Variants in CCDC3 observed in about 807,000 individuals in gnomAD.
CCDC3 encodes the protein coiled-coil domain containing 3, also known as coiled-coil domain-containing protein 3.
Under a neutral mutation model 21.4 loss-of-function variants are expected in CCDC3, and 24 were observed. That is an observed-to-expected ratio of 1.12 (90% CI 0.81 to 1.58). The LOEUF is 1.58. CCDC3 is among the 40% of genes most tolerant of loss of function. The pLI is 0.00. For synonymous variants in CCDC3, 186 were observed against 166.0 expected (o/e 1.12, Z -0.93); for missense variants, 425 against 360.9 (o/e 1.18, Z -1.44).
At chr10:13,013,540 A>T (rs983268829) in intron 5 of CCDC3, among the ~76,000 whole-genome samples, 2 of 152,236 alleles carry the variant, frequency 1.3e-5, no homozygotes, top group Admixed American at 1.3e-4. Context: ...GCTGCCAATA[A>T]AATATTTATT....
chr10:12,987,405 CCTCACACATAACCAATA>C (rs1283034155), intron 2 of CCDC3, among the ~76,000 whole-genome samples: 1 of 152,164 alleles, frequency 6.6e-6, no homozygotes, highest in African/African-American at 2.4e-5. Flanking sequence ...TAACATAACG[CCTCACACATAACCAATA>C]CTCTGTCCTT....
At chr10:13,085,691 G>A (rs1837093511) in intron 3 of CCDC3, among the ~76,000 whole-genome samples, 1 of 152,214 alleles carries the variant, frequency 6.6e-6, no homozygotes, top group South Asian at 2.1e-4. Context: ...ATGAGGCCAG[G>A]TGCAGTGGCT....
Position 12,898,157 on chromosome 10 carries a change from A to G in CCDC3, c.*259T>C, listed in dbSNP as rs1014893421. 1.9e-5 allele frequency: 10 copies of G among 515,662 alleles called. No homozygotes were observed. Among genetic ancestry groups the G allele is most frequent in the Non-Finnish European group, 2.7e-5 (8 of 291,698 alleles). 31.9% of individuals were successfully genotyped at this position (515,662 alleles called of 1,614,324 possible). A position where few individuals can be genotyped will look rare whatever the true frequency, so the allele number is the denominator to read the frequency against. On this transcript the variant is annotated 3_prime_UTR_variant, in exon 3 of 3. Transcript: ENST00000378825. Reference sequence around the variant, plus strand: ...GCTGCTCTGCAGGCGAGCATTCAGCACTCAGGGATCCCACTGCCTCTGGAC... The same window carrying G: ...GCTGCTCTGCAGGCGAGCATTCAGCGCTCAGGGATCCCACTGCCTCTGGAC...
At chr10:12,982,235 G>T (rs970624539) in intron 2 of CCDC3, among the ~76,000 whole-genome samples, 1 of 149,170 alleles carries the variant, frequency 6.7e-6, no homozygotes, top group African/African-American at 2.5e-5. Context: ...TAAGTGAAAT[G>T]AGCCAGTCAT....
rs118100134 is a variant in CCDC3 at position 13,063,647 on chromosome 10, C to A, written c.-270+10221G>T. ...AGATTAAAAACCCAGTCGCCTAGCG[C>A]CAGAGTCTGTTCCACCAGATGTACC... On this transcript the variant is annotated intron_variant, in intron 4 of 6. Coordinates refer to the CCDC3 transcript ENST00000378839. Among the ~76,000 whole-genome samples, 934 of 152,304 alleles carry A rather than the reference C, an allele frequency of 6.1e-3. 40 individuals are homozygous for A. In the South Asian group the frequency reaches 0.087, roughly 14 times the overall value.
intron 5 of CCDC3, among the ~76,000 whole-genome samples, chr10:13,022,227 T>A (rs924834071): frequency 4.6e-5 from 7 of 152,272 alleles, no homozygotes; most frequent in Admixed American, 4.6e-4. Flanking sequence ...GCAGAAGCTA[T>A]CTTCTCAAAG....
chr10:13,028,100 A>T (rs546054919), intron 5 of CCDC3, among the ~76,000 whole-genome samples: 1 of 152,262 alleles, frequency 6.6e-6, no homozygotes, highest in East Asian at 1.9e-4. Flanking sequence ...CTGTGTCCTC[A>T]CCCAAATCTC....
chr10:13,018,745 A>G (rs1227343852), intron 5 of CCDC3, among the ~76,000 whole-genome samples: 4 of 151,712 alleles, frequency 2.6e-5, no homozygotes. Context: ...AGCCTGGCCA[A>G]TATGGCGAAA....
chr10:12,936,740 T>G (rs1834744897), intron 2 of CCDC3, among the ~76,000 whole-genome samples: 1 of 152,174 alleles, frequency 6.6e-6, no homozygotes, highest in South Asian at 2.1e-4. Flanking sequence ...GGCCCCCATC[T>G]GTGCAAAAAA....
chr10:12,966,278 G>GGTGCTCAGTTACCAGCCTTACTC (rs1385201578), intron 2 of CCDC3, among the ~76,000 whole-genome samples: 2 of 151,792 alleles, frequency 1.3e-5, no homozygotes, highest in East Asian at 1.9e-4. Context: ...ATTACTATAT[G>GGTGCTCAGTTACCAGCCTTACTC]AGCAAGGTTG....
chr10:12,912,203 A>C (rs960120437), intron 2 of CCDC3, among the ~76,000 whole-genome samples: 2 of 152,162 alleles, frequency 1.3e-5, no homozygotes, highest in Admixed American at 1.3e-4. Context: ...TTTTTGAGAA[A>C]ACTCCATACA....
upstream of CCDC3, among the ~76,000 whole-genome samples, chr10:13,004,116 A>T (rs1835897883): frequency 6.6e-6 from 1 of 152,184 alleles, no homozygotes; most frequent in Non-Finnish European, 1.5e-5. Context: ...GACATGAGCC[A>T]CTTCCATCTC....
chr10:12,964,781 A>T (rs1028343545), intron 2 of CCDC3, among the ~76,000 whole-genome samples: 6 of 152,256 alleles, frequency 3.9e-5, no homozygotes, highest in Non-Finnish European at 5.9e-5. Flanking sequence ...CTACAGTCAC[A>T]CCACTGGTAA....
At chr10:13,082,649 A>G (rs1401458764) in intron 3 of CCDC3, among the ~76,000 whole-genome samples, 1 of 152,134 alleles carries the variant, frequency 6.6e-6, no homozygotes, top group Non-Finnish European at 1.5e-5. Flanking sequence ...CATTACTGCT[A>G]GACCAAGGTC....
At position 12,898,679 on chromosome 10, in the gene CCDC3, G is replaced by C; in HGVS notation, c.550C>G (p.Leu184Val). ...SDWEIQEDSR[L>V]MCSSVQKALF... ...GCCTTCTGCACCGAGGAGCACATGAGCTGGAGGCAGAGACAGCGTGCAAGG... is the reference window on the plus strand; with the variant it reads ...GCCTTCTGCACCGAGGAGCACATGACCTGGAGGCAGAGACAGCGTGCAAGG... The change falls in exon 3 of 3, where the codon CTC becomes GTC. Residue 184 changes from leucine to valine, a missense_variant and splice_region_variant. Transcript: ENST00000378825. 2 of 1,613,978 alleles carry C rather than the reference G, an allele frequency of 1.2e-6. No homozygotes were observed. The highest frequency in any genetic ancestry group is 1.7e-6 in the Non-Finnish European group (2 of 1,179,840).
At chr10:12,977,462 C>T (rs1835434321) in intron 2 of CCDC3, among the ~76,000 whole-genome samples, 1 of 152,168 alleles carries the variant, frequency 6.6e-6, no homozygotes, top group Admixed American at 6.5e-5. Context: ...AAACCCCCGA[C>T]CCCATAAAAG....
rs567486605 is a variant in CCDC3, at chr10:12,943,809, G to A, written c.550-45130C>T. Among the ~76,000 whole-genome samples the A allele has an allele frequency of 5.3e-5, 8 of 152,246 alleles. No individual in the cohort carries two copies. In the South Asian group the frequency reaches 1.2e-3, roughly 24 times the overall value. Reference sequence around the variant, plus strand: ...CCCACTTGGAAGACCCTCTCTCTCTGCAGGAAGAGAGTTTTTCTCTTTCTC... The same window carrying A: ...CCCACTTGGAAGACCCTCTCTCTCTACAGGAAGAGAGTTTTTCTCTTTCTC... On this transcript the variant is annotated intron_variant, in intron 2 of 2. Coordinates refer to ENST00000378825, the MANE Select transcript of CCDC3 (RefSeq NM_031455.4).
intron 2 of CCDC3, among the ~76,000 whole-genome samples, chr10:12,935,422 G>T (rs1312797426): frequency 6.6e-6 from 1 of 151,998 alleles, no homozygotes; most frequent in Non-Finnish European, 1.5e-5. Flanking sequence ...TCTTTTAATT[G>T]GTACATTTAG....
chr10:13,085,782 C>T (rs1564344053), intron 3 of CCDC3, among the ~76,000 whole-genome samples: 1 of 152,108 alleles, frequency 6.6e-6, no homozygotes, highest in African/African-American at 2.4e-5. Flanking sequence ...GCCTGGCCAA[C>T]ATGGCGAAAC....
Sources: allele counts gnomAD v4.1 joint callset (sites outside exome capture counted in the v4.1 genomes callset), GRCh38; gene constraint gnomAD v4.1.1; transcripts MANE v1.5; gene names NCBI Gene and HGNC (gene_info 2026-07-23, HGNC 2026-07-21).